The following SLC16A1 variants were observed in gnomAD, a reference collection of about 807,000 sequenced individuals.
The protein encoded by SLC16A1 is monocarboxylate transporter 1.
A neutral mutation model predicts 32.2 loss-of-function variants in SLC16A1; 11 were observed. The observed-to-expected ratio is 0.34, with a 90% CI of 0.21 to 0.56. SLC16A1 has a LOEUF of 0.56. Ranked by LOEUF, SLC16A1 falls within the 20% of genes least tolerant of loss-of-function variation. The pLI is 0.87. For synonymous variants in SLC16A1, 231 were observed against 226.8 expected, an observed-to-expected ratio of 1.02 and a Z score of -0.17; for missense variants, 435 against 615.0, an observed-to-expected ratio of 0.71 and a Z score of 3.10.
chr1:112,930,704 A>G (rs1649096361), intron 1 of SLC16A1, among the ~76,000 whole-genome samples: 3 of 151,916 alleles, frequency 2.0e-5, no homozygotes, highest in South Asian at 2.1e-4. Flanking sequence ...CACATAATAC[A>G]TAACCTACAA....
rs538687003 is a variant in SLC16A1, at chr1:112,941,972, AC to A, written c.-44-12621del. 3.3e-3 allele frequency among the ~76,000 whole-genome samples: 494 copies of A among 148,564 alleles called. 4 individuals are homozygous for A. Among genetic ancestry groups the A allele is most frequent in the African/African-American group, 0.011 (452 of 40,474 alleles). Reference sequence around the variant, plus strand: ...CTCTGTCCACTGCAGTTCAAGTATGACCCCCTTTTTTTTTTGAGATGGAGTT... The same window carrying A: ...CTCTGTCCACTGCAGTTCAAGTATGACCCCTTTTTTTTTTGAGATGGAGTT... On this transcript the variant is annotated intron_variant, in intron 1 of 4. Transcript: ENST00000369626.
rs3884279 is a variant in SLC16A1, at chr1:112,915,773, G to GGAAGAA, written c.1228+1399_1228+1404dup. 5.9e-3 allele frequency among the ~76,000 whole-genome samples: 889 copies of GGAAGAA among 151,712 alleles called. 12 individuals are homozygous for GGAAGAA. The highest frequency in any genetic ancestry group is 0.021 in the African/African-American group (863 of 41,384). On this transcript the variant is annotated intron_variant, in intron 4 of 4. Coordinates refer to ENST00000369626, the MANE Select transcript of SLC16A1 (RefSeq NM_003051.4). ...CTTAGTAACTCACTGGGTATGAGATGGAAGAAGACAGTGATCTCAAAAGGC... is the reference window on the plus strand; with the variant it reads ...CTTAGTAACTCACTGGGTATGAGATGGAAGAAGAAGAAGACAGTGATCTCAAAAGGC...
rs12062526 is a variant in SLC16A1 at position 112,922,645 on chromosome 1, C to T, written c.218-512G>A. ...AAAAATTAGCCAGGCGTGGTTGGCG[C>T]GTGCCTGTAATCCCAGCTACTCCGA... On this transcript the variant is annotated intron_variant, in intron 2 of 4. Transcript: ENST00000369626. Among the ~76,000 whole-genome samples, 4 of 151,964 alleles carry T rather than the reference C, an allele frequency of 2.6e-5. No individual in the cohort carries two copies. The South Asian group carries it at 8.3e-4, about 31-fold the overall frequency.
chr1:112,920,896 T>C (rs2101625029), intron 3 of SLC16A1, among the ~76,000 whole-genome samples: 1 of 152,140 alleles, frequency 6.6e-6, no homozygotes, highest in East Asian at 1.9e-4. Flanking sequence ...TCCCAGCACT[T>C]TGGGAGGCCG....
At position 112,917,794 on chromosome 1, in the gene SLC16A1, C is replaced by A. The variant is rs763951746; in HGVS notation, c.612G>T (p.Lys204Asn). 6.2e-7 allele frequency: 1 copy of A among 1,614,020 alleles called. No individual in the cohort carries two copies. Among genetic ancestry groups the A allele is most frequent in the South Asian group, 1.1e-5 (1 of 91,088 alleles). ...LMRPIGPKPT[K>N]AGKDKSKASL... ...ATGCTTTAGACTTATCTTTCCCTGC[C>A]TTGGTTGGCTTGGGCCCGATTGGTC... is the stretch of plus-strand genomic sequence containing the variant. Residue 204 changes from lysine to asparagine, a missense_variant, in exon 4 of 5, where the codon AAG (lysine) becomes AAT (asparagine). Physicochemically the swap from Lys to Asn is moderately conservative, Grantham distance 94. Transcript: ENST00000369626. The surrounding 1 kb of genome is among the most constrained non-coding windows in gnomAD (Gnocchi z 4.1).
Position 112,917,416 on chromosome 1 carries a change from C to G in SLC16A1, c.990G>C (p.Gln330His), listed in dbSNP as rs764345073. ...ANTKPIRPRI[Q>H]YFFAASVVAN... ...CAACAACGGAAGCCGCAAAGAAATA[C>G]TGAATTCGAGGTCTTATTGGCTTTG... is the stretch of plus-strand genomic sequence containing the variant. Residue 330 changes from glutamine to histidine, a missense_variant, in exon 4 of 5, where the codon CAG becomes CAC. Transcript: ENST00000369626. The surrounding 1 kb of genome is among the most constrained non-coding windows in gnomAD (Gnocchi z 4.1). 6.2e-7 allele frequency: 1 copy of G among 1,614,220 alleles called. No homozygotes were observed. The highest frequency in any genetic ancestry group is 1.1e-5 in the South Asian group (1 of 91,084).
intron 2 of SLC16A1, chr1:112,924,206 C>T: frequency 6.6e-7 from 1 of 1,516,080 alleles, no homozygotes; most frequent in South Asian, 1.1e-5. Flanking sequence ...ACGCAGTCAT[C>T]CTGGGCATGT....
At chr1:112,945,467 G>C (rs567631381) in intron 1 of SLC16A1, among the ~76,000 whole-genome samples, 149 of 151,028 alleles carry the variant, frequency 9.9e-4, no homozygotes, top group African/African-American at 3.4e-3. Context: ...CTGAGGTCAG[G>C]AGCTTGAGAC....
chr1:112,928,334 T>G (rs997652843), intron 2 of SLC16A1, among the ~76,000 whole-genome samples: 3 of 152,232 alleles, frequency 2.0e-5, no homozygotes, highest in East Asian at 1.9e-4. Context: ...AAGGGATCAG[T>G]GTTTTCTGTC....
intron 3 of SLC16A1, among the ~76,000 whole-genome samples, chr1:112,920,965 G>A (rs962264362): frequency 1.3e-5 from 2 of 151,686 alleles, no homozygotes; most frequent in African/African-American, 4.8e-5. Context: ...ATGAAACCCC[G>A]TCTCTACTAA....
chr1:112,926,261 T>C (rs1229241719), intron 2 of SLC16A1, among the ~76,000 whole-genome samples: 2 of 152,182 alleles, frequency 1.3e-5, no homozygotes, highest in East Asian at 3.8e-4. Flanking sequence ...TATTCATGTG[T>C]TTCATAGGAC....
chr1:112,953,172 T>C (rs917633246), intron 1 of SLC16A1, among the ~76,000 whole-genome samples: 2 of 142,756 alleles, frequency 1.4e-5, no homozygotes, highest in Non-Finnish European at 3.2e-5. Context: ...TTTTTTTTTT[T>C]GAAACAGAGT....
rs1358408720 is a variant in SLC16A1, at chr1:112,912,509, G to GT, written c.*1381dup. 3 of 151,988 alleles carry GT rather than the reference G, an allele frequency of 2.0e-5. No homozygotes were observed. Among genetic ancestry groups the GT allele is most frequent in the Non-Finnish European group, 4.4e-5 (3 of 67,972 alleles). The allele number at this position is 151,988 out of a possible 1,614,324, so 9.4% of individuals were successfully genotyped here. A position where few individuals can be genotyped will look rare whatever the true frequency, so the allele number is the denominator to read the frequency against. On this transcript the variant is annotated 3_prime_UTR_variant, in exon 5 of 5. Coordinates refer to ENST00000369626, the MANE Select transcript of SLC16A1 (RefSeq NM_003051.4). ...TCTGCCTCGATTTAAGTGATATTAG[G>GT]TTAAAAAAATATTTACAGTTTTCAT...
At chr1:112,938,490 T>C (rs1207012825) in intron 1 of SLC16A1, among the ~76,000 whole-genome samples, 2 of 152,174 alleles carry the variant, frequency 1.3e-5, no homozygotes, top group South Asian at 2.1e-4. Flanking sequence ...AAAGAAGGAA[T>C]GTAACTACTG....
chr1:112,936,633 T>A (rs921102595), intron 1 of SLC16A1, among the ~76,000 whole-genome samples: 1 of 152,164 alleles, frequency 6.6e-6, no homozygotes, highest in African/African-American at 2.4e-5. Context: ...AATTTTCCCT[T>A]CCTTTGAGAT....
chr1:112,942,949 CACGCACTTGTGTGTATATATTT>C lies in SLC16A1; in HGVS notation c.-45+13064_-45+13085del, dbSNP rs373052863. Among the ~76,000 whole-genome samples, 448 of 152,246 alleles carry C rather than the reference CACGCACTTGTGTGTATATATTT, an allele frequency of 2.9e-3. 1 individual carries two copies. The highest frequency in any genetic ancestry group is 0.01 in the African/African-American group (424 of 41,536). On this transcript the variant is annotated intron_variant, in intron 1 of 4. Transcript: ENST00000369626. ...TAATGAACATAGATATACATATATG[CACGCACTTGTGTGTATATATTT>C]ACTTATTTAATCCTCTTTTGTCAAT...
intron 1 of SLC16A1, among the ~76,000 whole-genome samples, chr1:112,938,751 A>G (rs1267460053): frequency 6.6e-6 from 1 of 152,202 alleles, no homozygotes; most frequent in Non-Finnish European, 1.5e-5. Flanking sequence ...TCTGTTTATG[A>G]TAATTGATTT....
Position 112,912,434 on chromosome 1 carries a change from C to T in SLC16A1, c.*1457G>A, listed in dbSNP as rs1261173700. On this transcript the variant is annotated 3_prime_UTR_variant, in exon 5 of 5. Coordinates refer to ENST00000369626, the MANE Select transcript of SLC16A1 (RefSeq NM_003051.4). ...ATCTATACTTTTACTCTGTCAATTA[C>T]AGTGGTATTTTAAATGCATTGAATA... 2 of 152,174 alleles carry T rather than the reference C, an allele frequency of 1.3e-5. No homozygotes were observed. Among genetic ancestry groups the T allele is most frequent in the African/African-American group, 4.8e-5 (2 of 41,438 alleles). The allele number at this position is 152,174 out of a possible 1,614,324, so 9.4% of individuals were successfully genotyped here.
intron 2 of SLC16A1, among the ~76,000 whole-genome samples, chr1:112,925,376 CCTTT>C (rs1350563946): frequency 6.3e-5 from 9 of 141,924 alleles, no homozygotes; most frequent in Non-Finnish European, 1.4e-4. Flanking sequence ...TGTCAAGTGG[CCTTT>C]CTTTTTTTTT....
Sources: gnomAD v4.1 joint callset for allele counts (sites outside exome capture counted in the v4.1 genomes callset) on GRCh38, gnomAD v4.1.1 for gene constraint, Gnocchi (gnomAD v3.1) non-coding constraint, MANE v1.5 for transcripts, NCBI Gene and HGNC (gene_info 2026-07-23, HGNC 2026-07-21) for gene names.